The following JAM3 variants were observed in gnomAD, a reference collection of about 807,000 sequenced individuals.
JAM3 encodes junctional adhesion molecule 3.
A neutral mutation model predicts 39.4 loss-of-function variants in JAM3; 31 were observed. The observed-to-expected ratio is 0.79, with a 90% CI of 0.59 to 1.06. The LOEUF (loss-of-function observed/expected upper bound fraction) is 1.06, where lower values mean the gene tolerates loss of function less well. JAM3 is among the 50% of genes least tolerant of loss of function. The probability of loss-of-function intolerance (pLI) is 0.00; values close to 1 mark genes in which losing one functional copy is unlikely to be tolerated. For missense variants in JAM3, 455 were observed against 391.4 expected (o/e 1.16, Z -1.37); for synonymous variants, 182 against 148.7 (o/e 1.22, Z -1.63).
chr11:134,074,348 G>A (rs374188272), intron 1 of JAM3, among the ~76,000 whole-genome samples: 2 of 152,256 alleles, frequency 1.3e-5, no homozygotes, highest in East Asian at 3.9e-4. Flanking sequence ...TCTTGGTTTG[G>A]CTTCCAGTAG....
At chr11:134,132,735 A>G (rs470564) in intron 1 of JAM3, among the ~76,000 whole-genome samples, 68,027 of 151,896 alleles carry the variant, frequency 0.45, 18,133 homozygotes, top group African/African-American at 0.76. Flanking sequence ...TTTTTCTCCC[A>G]TCTTCACTGA....
intron 6 of JAM3, among the ~76,000 whole-genome samples, chr11:134,146,780 G>C (rs1943080515): frequency 6.6e-6 from 1 of 152,146 alleles, no homozygotes; most frequent in Non-Finnish European, 1.5e-5. Flanking sequence ...GCCCAGGCTG[G>C]TCTCAAACTC....
At chr11:134,109,972 T>G (rs758272039) in intron 1 of JAM3, among the ~76,000 whole-genome samples, 1 of 152,216 alleles carries the variant, frequency 6.6e-6, no homozygotes, top group African/African-American at 2.4e-5. Context: ...GAGTTTTTAT[T>G]TTCCCTTCAC....
At chr11:134,131,533 A>G (rs1942770321) in intron 1 of JAM3, among the ~76,000 whole-genome samples, 1 of 152,204 alleles carries the variant, frequency 6.6e-6, no homozygotes, top group African/African-American at 2.4e-5. Context: ...ACAAAAAATA[A>G]CAGAGCATAC....
intron 1 of JAM3, among the ~76,000 whole-genome samples, chr11:134,071,198 G>A (rs1308123479): frequency 6.6e-6 from 1 of 152,126 alleles, no homozygotes; most frequent in Non-Finnish European, 1.5e-5. Context: ...TCTGTTACAA[G>A]AATTTAATGT....
intron 1 of JAM3, among the ~76,000 whole-genome samples, chr11:134,069,646 C>T (rs971739577): frequency 2.2e-4 from 34 of 152,166 alleles, no homozygotes; most frequent in African/African-American, 8.2e-4. Context: ...GGGCACGGCC[C>T]TCTGGAGGGA....
At chr11:134,140,595 T>C (rs1942956178) in intron 2 of JAM3, 62 bp from the exon 3 acceptor site, 3 of 1,348,116 alleles carry the variant, frequency 2.2e-6, no homozygotes, top group Non-Finnish European at 3.2e-6. Context: ...AGGGTCTGGG[T>C]GCAGCTGAAC....
intron 1 of JAM3, among the ~76,000 whole-genome samples, chr11:134,093,404 T>C (rs1196706916): frequency 3.1e-5 from 4 of 129,618 alleles, no homozygotes; most frequent in East Asian, 3.0e-4. Flanking sequence ...TCATGTTCCA[T>C]CTTACATGTC....
chr11:134,114,085 G>A (rs1422950746), intron 1 of JAM3, among the ~76,000 whole-genome samples: 3 of 152,030 alleles, frequency 2.0e-5, no homozygotes, highest in Admixed American at 1.3e-4. Flanking sequence ...TGTAGATTCT[G>A]GATATTAGCC....
chr11:134,145,336 C>G, intron 5 of JAM3: 3 of 414,840 alleles, frequency 7.2e-6, no homozygotes, highest in Middle Eastern at 7.4e-4. Flanking sequence ...TATTAAGCAA[C>G]TGTTCATTGC....
chr11:134,145,392 G>C (rs1055651661), intron 5 of JAM3: 2 of 348,344 alleles, frequency 5.7e-6, no homozygotes, highest in African/African-American at 4.2e-5. Flanking sequence ...TTACAGTCTT[G>C]TAGAGATACT....
chr11:134,125,224 TTCTC>T (rs202070382), intron 1 of JAM3, among the ~76,000 whole-genome samples: 2 of 152,184 alleles, frequency 1.3e-5, no homozygotes, highest in African/African-American at 4.8e-5. Context: ...CCGCCCCCTC[TTCTC>T]TCTCTCAACT....
chr11:134,150,696 A>G lies in JAM3; in HGVS notation c.*1515A>G, dbSNP rs542186277. The G allele has an allele frequency of 6.6e-6, 1 of 152,208 alleles. No individual in the cohort carries two copies. Among genetic ancestry groups the G allele is most frequent in the Non-Finnish European group, 1.5e-5 (1 of 68,012 alleles). The allele number at this position is 152,208 out of a possible 1,614,324, so 9.4% of individuals were successfully genotyped here. A position where few individuals can be genotyped will look rare whatever the true frequency, so the allele number is the denominator to read the frequency against. On this transcript the variant is annotated 3_prime_UTR_variant, in exon 9 of 9. Transcript: ENST00000299106. ...GTTAAGATTGTCTAAGGCCAAAGGCAATTGCGAAATCAAGTCTGTCAAGTA... is the reference window on the plus strand; with the variant it reads ...GTTAAGATTGTCTAAGGCCAAAGGCGATTGCGAAATCAAGTCTGTCAAGTA...
chr11:134,128,155 A>T (rs1333555592), intron 1 of JAM3, among the ~76,000 whole-genome samples: 1 of 152,102 alleles, frequency 6.6e-6, no homozygotes, highest in Non-Finnish European at 1.5e-5. Context: ...ATATATTGTT[A>T]TTATCACTTG....
At chr11:134,093,979 T>C (rs1370857619) in intron 1 of JAM3, among the ~76,000 whole-genome samples, 3 of 126,584 alleles carry the variant, frequency 2.4e-5, no homozygotes, top group African/African-American at 5.9e-5. Flanking sequence ...TGTCACTTCC[T>C]GAGGAAAGCT....
At chr11:134,130,926 C>A (rs998297352) in intron 1 of JAM3, among the ~76,000 whole-genome samples, 1 of 152,154 alleles carries the variant, frequency 6.6e-6, no homozygotes, top group African/African-American at 2.4e-5. Flanking sequence ...TACAGAGTGA[C>A]TATAAACCTA....
chr11:134,148,456 G>C, intron 6 of JAM3, 91 bp from the exon 7 acceptor site: 2 of 1,570,842 alleles, frequency 1.3e-6, no homozygotes, highest in South Asian at 2.2e-5. Context: ...AAGTGGGTTT[G>C]GGGTGAAGGA....
chr11:134,150,344 C>G lies in JAM3; in HGVS notation c.*1163C>G, dbSNP rs1943178787. 6.6e-6 allele frequency: 1 copy of G among 152,008 alleles called. No homozygotes were observed. Among genetic ancestry groups the G allele is most frequent in the South Asian group, 2.1e-4 (1 of 4,846 alleles). 9.4% of individuals were successfully genotyped at this position (152,008 alleles called of 1,614,324 possible). A position where few individuals can be genotyped will look rare whatever the true frequency, so the allele number is the denominator to read the frequency against. On this transcript the variant is annotated 3_prime_UTR_variant, in exon 9 of 9. Transcript: ENST00000299106. The stretch of plus-strand genomic sequence containing the variant: ...GGACAGTCTGTACCCAGAGGCCACC[C>G]AGAAGCCCTCAGATGTACATACACA...
At chr11:134,107,641 C>T (rs1441232949) in intron 1 of JAM3, among the ~76,000 whole-genome samples, 1 of 152,056 alleles carries the variant, frequency 6.6e-6, no homozygotes, top group East Asian at 1.9e-4. Flanking sequence ...TCAGTGAGTT[C>T]ATCTACTTTA....
Sources: allele counts gnomAD v4.1 joint callset (sites outside exome capture counted in the v4.1 genomes callset), GRCh38; gene constraint gnomAD v4.1.1; transcripts MANE v1.5; gene names NCBI Gene and HGNC (gene_info 2026-07-23, HGNC 2026-07-21).